ZNF596: variants seen among roughly 807,000 people sequenced by gnomAD.
The protein encoded by ZNF596 is zinc finger protein 596.
Under a neutral mutation model 48.3 loss-of-function variants are expected in ZNF596, and 45 were observed. That is an observed-to-expected ratio of 0.93 (90% confidence interval 0.73 to 1.19). The LOEUF (loss-of-function observed/expected upper bound fraction) is 1.19, where lower values mean the gene tolerates loss of function less well. Ranked by LOEUF, ZNF596 falls within the 50% of genes most tolerant of loss-of-function variation. The probability of loss-of-function intolerance (pLI) is 0.00; values close to 1 mark genes in which losing one functional copy is unlikely to be tolerated. For missense variants in ZNF596, 848 were observed against 599.7 expected (o/e 1.41, Z -4.32); for synonymous variants, 270 against 202.0 (o/e 1.34, Z -2.85).
rs116307432 is a variant in ZNF596 at position 238,322 on chromosome 8, G to C, written c.-72-2502G>C. 9.7e-4 allele frequency among the ~76,000 whole-genome samples: 147 copies of C among 152,136 alleles called. 1 individual carries two copies. Among genetic ancestry groups the C allele is most frequent in the African/African-American group, 3.4e-3 (140 of 41,498 alleles). ...AATACGTGAGACTAGTGGAGGAAAG[G>C]AGAGTAATGAAATATGCATTTCGTG... On this transcript the variant is annotated intron_variant, in intron 1 of 5. Transcript: ENST00000398612.
chr8:232,836 C>T, intron 1 of ZNF596, 142 bp downstream of exon 1: 1 of 445,212 alleles, frequency 2.2e-6, no homozygotes, highest in East Asian at 7.0e-5. Context: ...CCTACGTCTC[C>T]GCAAACCCCA....
rs567054359 is a variant in ZNF596 at position 246,069 on chromosome 8, C to A, written c.1222C>A (p.Arg408=). The change falls in exon 6 of 6, where the codon CGA becomes AGA. Residue 408 remains arginine (R), a synonymous_variant. Transcript: ENST00000398612. ...CTTCACTGAATCTTCTGACCTCAGACGACATGAGAGAACTCACACTGGAGA... is the reference window on the plus strand; with the variant it reads ...CTTCACTGAATCTTCTGACCTCAGAAGACATGAGAGAACTCACACTGGAGA... ...KAFTESSDLR[R]HERTHTGEKP... is the part of the protein sequence containing the mutation. The A allele has an allele frequency of 6.2e-7, 1 of 1,613,616 alleles. No individual in the cohort carries two copies.
At chr8:232,240 A>C (rs1457509837), upstream of ZNF596, 17 of 162,100 alleles carry the variant, frequency 1.0e-4, no homozygotes, top group Non-Finnish European at 1.4e-5. Flanking sequence ...GCAGGGCCAG[A>C]AACGCGCGCA....
At position 245,398 on chromosome 8, in the gene ZNF596, C is replaced by A; in HGVS notation, c.551C>A (p.Pro184Gln). Residue 184 changes from proline to glutamine, a missense_variant, in exon 6 of 6, where the codon CCA (proline) becomes CAA (glutamine). Pro to Gln is a moderately conservative substitution (Grantham distance 76, BLOSUM62 -1). Transcript: ENST00000398612. ...YAFIQNSALR[P>Q]HSVTHTREIT... Reference sequence around the variant, plus strand: ...TTTATCCAAAACTCTGCCCTTAGACCACACAGTGTGACTCACACTAGAGAG... The same window carrying A: ...TTTATCCAAAACTCTGCCCTTAGACAACACAGTGTGACTCACACTAGAGAG... 1 of 1,614,120 alleles carries A rather than the reference C, an allele frequency of 6.2e-7. No individual in the cohort carries two copies. Among genetic ancestry groups the A allele is most frequent in the Non-Finnish European group, 8.5e-7 (1 of 1,180,008 alleles).
rs766572673 is a variant in ZNF596 at position 246,000 on chromosome 8, C to T, written c.1153C>T (p.His385Tyr). 1.2e-5 allele frequency: 20 copies of T among 1,614,024 alleles called. No homozygotes were observed. The highest frequency in any genetic ancestry group is 3.3e-5 in the Admixed American group (2 of 59,996). ...SSVLKRHERI[H>Y]TGEKPYECHV... is the part of the protein sequence containing the mutation. ...TGTGCTTAAACGACATGAGAGAATT[C>T]ACACTGGAGAGAAACCATATGAGTG... The change falls in exon 6 of 6, where the codon CAC becomes TAC. Residue 385 changes from histidine to tyrosine, a missense_variant. Transcript: ENST00000398612.
At chr8:234,041 A>T (rs1425264749) in intron 1 of ZNF596, among the ~76,000 whole-genome samples, 2 of 152,152 alleles carry the variant, frequency 1.3e-5, no homozygotes, top group Admixed American at 6.5e-5. Flanking sequence ...AGACTTTATA[A>T]AGTAAGCACA....
Position 243,775 on chromosome 8 carries a change from C to G in ZNF596, c.193C>G (p.Leu65Val). ...VLSQLEQVEK[L>V]STQRISLLQG... ...TTCCCAATTGGAGCAAGTAGAGAAACTTTCAACACAAAGAATAAGCTTACT... is the reference window on the plus strand; with the variant it reads ...TTCCCAATTGGAGCAAGTAGAGAAAGTTTCAACACAAAGAATAAGCTTACT... Residue 65 changes from leucine (L) to valine (V), a missense_variant, in exon 4 of 6, where the codon CTT becomes GTT. By Grantham distance (32) the Leu-to-Val change is conservative (BLOSUM62 1). Coordinates refer to ENST00000398612, the MANE Select transcript of ZNF596 (RefSeq NM_001042416.3). 1 of 1,613,724 alleles carries G rather than the reference C, an allele frequency of 6.2e-7. No homozygotes were observed.
rs2117112760 is a variant in ZNF596, at chr8:245,199, G to C, written c.352G>C (p.Glu118Gln). ...TCCTTTTCTATGCAATGACTTAGGA[G>C]AAGATTTCACTCAACATATAGCATT... Reference protein sequence around the residue: ...EDPFLCNDLGEDFTQHIALTQ... With the variant: ...EDPFLCNDLGQDFTQHIALTQ... The change falls in exon 6 of 6, where the codon GAA (glutamate) becomes CAA (glutamine). Residue 118 changes from glutamate (E) to glutamine (Q), a missense_variant. Physicochemically the swap from Glu to Gln is conservative, Grantham distance 29. Coordinates refer to ENST00000398612, the MANE Select transcript of ZNF596 (RefSeq NM_001042416.3). 2 of 1,609,450 alleles carry C rather than the reference G, an allele frequency of 1.2e-6. No individual in the cohort carries two copies. The highest frequency in any genetic ancestry group is 1.7e-6 in the Non-Finnish European group (2 of 1,177,166).
intron 2 of ZNF596, among the ~76,000 whole-genome samples, chr8:242,336 T>C (rs1796885354): frequency 6.6e-6 from 1 of 152,220 alleles, no homozygotes; most frequent in African/African-American, 2.4e-5. Context: ...TCTCAGTCAT[T>C]TCATGAATAA....
At chr8:237,865 C>T (rs1185886190) in intron 1 of ZNF596, among the ~76,000 whole-genome samples, 2 of 152,208 alleles carry the variant, frequency 1.3e-5, no homozygotes, top group East Asian at 1.9e-4. Context: ...CTGTTTTAAT[C>T]TCCATGGCCT....
intron 1 of ZNF596, chr8:240,588 G>A (rs1796812657): frequency 2.7e-6 from 1 of 373,640 alleles, no homozygotes; most frequent in East Asian, 4.3e-5. Context: ...GCGCTAGGTG[G>A]CATATGAAAC....
rs759966957 is a variant in ZNF596, at chr8:242,912, T to C, written c.38T>C (p.Ile13Thr). ...GATTCCATGACCTTCGAGGATATCA[T>C]TGTAGACTTCACTCAAGAAGAGTGG... ...SPDSMTFEDI[I>T]VDFTQEEWAL... The change falls in exon 3 of 6, where the codon ATT (isoleucine) becomes ACT (threonine). Residue 13 changes from isoleucine (I) to threonine (T), a missense_variant. Transcript: ENST00000398612. The C allele has an allele frequency of 1.5e-5, 24 of 1,591,130 alleles. No homozygotes were observed. The highest frequency in any genetic ancestry group is 2.7e-5 in the African/African-American group (2 of 74,272).
At chr8:233,046 C>A (rs1215668715) in intron 1 of ZNF596, 1 of 467,914 alleles carries the variant, frequency 2.1e-6, no homozygotes, top group Non-Finnish European at 4.4e-6. Context: ...CTGTGGATGT[C>A]GAGGTGGGGC....
At position 246,666 on chromosome 8, in the gene ZNF596, T is replaced by A; in HGVS notation, c.*304T>A. On this transcript the variant is annotated 3_prime_UTR_variant, in exon 6 of 6. Coordinates refer to ENST00000398612, the MANE Select transcript of ZNF596 (RefSeq NM_001042416.3). ...CATCACGAAAATTCTGTGCCTGTCG[T>A]CAGTGTGAAAATGCCTTTGCTGATA... is the stretch of plus-strand genomic sequence containing the variant. 1 of 262,332 alleles carries A rather than the reference T, an allele frequency of 3.8e-6. No individual in the cohort carries two copies. Among genetic ancestry groups the A allele is most frequent in the Non-Finnish European group, 7.2e-6 (1 of 139,284 alleles). The allele number at this position is 262,332 out of a possible 1,614,324, so 16.3% of individuals were successfully genotyped here. A position where few individuals can be genotyped will look rare whatever the true frequency, so the allele number is the denominator to read the frequency against.
chr8:245,263 T>G lies in ZNF596; in HGVS notation c.416T>G (p.Phe139Cys), dbSNP rs1797018451. 1.2e-6 allele frequency: 2 copies of G among 1,614,052 alleles called. No individual in the cohort carries two copies. Among genetic ancestry groups the G allele is most frequent in the Non-Finnish European group, 1.7e-6 (2 of 1,180,004 alleles). ...ATTACCTACATGAGAACGAAACACT[T>G]TGTAAGCAAAAAGTTTGGGAAAATC... ...NVITYMRTKHFVSKKFGKIFS... is the reference protein window; with the variant it reads ...NVITYMRTKHCVSKKFGKIFS... The change falls in exon 6 of 6, where the codon TTT (phenylalanine) becomes TGT (cysteine). Residue 139 changes from phenylalanine (F) to cysteine (C), a missense_variant. By Grantham distance (205) the Phe-to-Cys change is radical. Coordinates refer to ENST00000398612, the MANE Select transcript of ZNF596 (RefSeq NM_001042416.3).
At chr8:236,825 T>C (rs950940769) in intron 1 of ZNF596, among the ~76,000 whole-genome samples, 3 of 152,224 alleles carry the variant, frequency 2.0e-5, no homozygotes, top group Non-Finnish European at 4.4e-5. Context: ...TAAAATTGTA[T>C]TGATGATTTT....
intron 1 of ZNF596, among the ~76,000 whole-genome samples, chr8:239,884 T>C (rs1453581068): frequency 6.6e-6 from 1 of 151,872 alleles, no homozygotes; most frequent in African/African-American, 2.4e-5. Context: ...GTCTTTCAGG[T>C]GATCACCCCC....
intron 2 of ZNF596, among the ~76,000 whole-genome samples, chr8:241,861 C>A (rs961373431): frequency 6.6e-6 from 1 of 152,152 alleles, no homozygotes; most frequent in Non-Finnish European, 1.5e-5. Flanking sequence ...CAGAAACTTA[C>A]AATCATGGTG....
At chr8:235,325 G>C (rs1460568647) in intron 1 of ZNF596, among the ~76,000 whole-genome samples, 3 of 152,148 alleles carry the variant, frequency 2.0e-5, no homozygotes, top group Admixed American at 2.0e-4. Flanking sequence ...CTCCACTTGG[G>C]GCAAGTTGGG....
Sources: allele counts gnomAD v4.1 joint callset (sites outside exome capture counted in the v4.1 genomes callset), GRCh38; gene constraint gnomAD v4.1.1; transcripts MANE v1.5; gene names NCBI Gene and HGNC (gene_info 2026-07-23, HGNC 2026-07-21).